Variants in P4HB observed in about 807,000 individuals in gnomAD.
P4HB encodes the protein prolyl 4-hydroxylase subunit beta, also known as protein disulfide-isomerase.
Under a neutral mutation model 52.6 loss-of-function variants are expected in P4HB, and 20 were observed. The ratio of observed to expected loss-of-function variants is 0.38; its 90% CI spans 0.27 to 0.55. The LOEUF is 0.55. P4HB is among the 20% of genes least tolerant of loss of function. The pLI, the probability that P4HB is intolerant of heterozygous loss-of-function variation, is 0.74. For missense variants in P4HB, 601 were observed against 669.2 expected, an observed-to-expected ratio of 0.90 and a Z score of 1.12; for synonymous variants, 296 against 277.9, an observed-to-expected ratio of 1.07 and a Z score of -0.65.
chr17:81,846,376 C>T lies in P4HB; in HGVS notation c.1056+53G>A. ...CAGGACACTGAGAGCCCAGAGACCC[C>T]AAGGTGGCGGCTCTACCCGGGAGGC... On this transcript the variant is annotated intron_variant, in intron 7 of 10. Transcript: ENST00000331483. This position sits in a 1 kb window ranked among gnomAD's most constrained non-coding sequence, Gnocchi z 5.7. The T allele has an allele frequency of 3.9e-6, 6 of 1,539,496 alleles. No homozygotes were observed. Among genetic ancestry groups the T allele is most frequent in the Non-Finnish European group, 5.4e-6 (6 of 1,115,124 alleles).
chr17:81,857,214 T>C (rs1464451324), intron 2 of P4HB, among the ~76,000 whole-genome samples: 1 of 152,098 alleles, frequency 6.6e-6, no homozygotes, highest in African/African-American at 2.4e-5. Flanking sequence ...GGTGGCACGA[T>C]CTCAGCTCAC....
chr17:81,859,554 C>T (rs533307412), intron 1 of P4HB, 167 bp from the exon 2 acceptor site: 250 of 630,668 alleles, frequency 4.0e-4, no homozygotes, highest in Non-Finnish European at 1.6e-4. Context: ...GCCTGGTGTT[C>T]TTGGGCAATA....
At position 81,858,132 on chromosome 17, in the gene P4HB, C is replaced by T. The variant is rs563410138; in HGVS notation, c.352+1049G>A. Among the ~76,000 whole-genome samples, 237 of 151,974 alleles carry T rather than the reference C, an allele frequency of 1.6e-3. 1 individual carries two copies. Among genetic ancestry groups the T allele is most frequent in the African/African-American group, 5.3e-3 (220 of 41,466 alleles). ...ACTAAAAATACAAAAATTAGCCAGG[C>T]GTGGTGGTGCACACCTGTAGCCCCA... On this transcript the variant is annotated intron_variant, in intron 2 of 10. Transcript: ENST00000331483.
Position 81,855,060 on chromosome 17 carries a change from C to T in P4HB, c.624+82G>A. Reference sequence around the variant, plus strand: ...GCCAAAGGTGCCAGGAGCAAGGTTCCCTTAACGATAAGGAGAGCAACGCCA... The same window carrying T: ...GCCAAAGGTGCCAGGAGCAAGGTTCTCTTAACGATAAGGAGAGCAACGCCA... On this transcript the variant is annotated intron_variant, in intron 4 of 10. Transcript: ENST00000331483. The surrounding 1 kb of genome is among the most constrained non-coding windows in gnomAD (Gnocchi z 4.3). The T allele has an allele frequency of 2.9e-6, 4 of 1,397,318 alleles. No homozygotes were observed. In the South Asian group the frequency reaches 3.6e-5, roughly 12 times the overall value. The allele number at this position is 1,397,318 out of a possible 1,614,324, so 86.6% of individuals were successfully genotyped here.
Position 81,859,230 on chromosome 17 carries a change from G to A in P4HB, c.303C>T (p.Thr101=), listed in dbSNP as rs145332986. ...AQQYGVRGYP[T]IKFFRNGDTA... is the part of the protein sequence containing the mutation. ...TGTCTCCATTCCTGAAGAACTTGAT[G>A]GTGGGATAGCCGCGCACGCCGTACT... The change falls in exon 2 of 11, where the codon ACC becomes ACT. Residue 101 remains threonine (T), a synonymous_variant. Transcript: ENST00000331483. 2.1e-3 allele frequency: 3,393 copies of A among 1,614,008 alleles called. 54 individuals are homozygous for A. In the African/African-American group the frequency reaches 0.04, roughly 19 times the overall value.
intron 4 of P4HB, among the ~76,000 whole-genome samples, chr17:81,849,380 C>CA (rs902405343): frequency 5.3e-5 from 8 of 151,996 alleles, no homozygotes; most frequent in African/African-American, 1.9e-4. Flanking sequence ...CCTGTAATCC[C>CA]AACTACTTGG....
chr17:81,850,983 G>A, intron 4 of P4HB, among the ~76,000 whole-genome samples: 1 of 151,390 alleles, frequency 6.6e-6, no homozygotes, highest in South Asian at 2.1e-4. Flanking sequence ...CTACGCTGGA[G>A]TGCAGTGGTG....
chr17:81,846,380 G>A lies in P4HB; in HGVS notation c.1056+49C>T. ...ACACTGAGAGCCCAGAGACCCCAAG[G>A]TGGCGGCTCTACCCGGGAGGCAGCC... On this transcript the variant is annotated intron_variant, in intron 7 of 10. Coordinates refer to ENST00000331483, the MANE Select transcript of P4HB (RefSeq NM_000918.4). The surrounding 1 kb of genome is among the most constrained non-coding windows in gnomAD (Gnocchi z 5.7). 1 of 1,543,674 alleles carries A rather than the reference G, an allele frequency of 6.5e-7. No homozygotes were observed.
At chr17:81,844,211 C>G in intron 10 of P4HB, 119 bp from the exon 11 acceptor site, 1 of 788,784 alleles carries the variant, frequency 1.3e-6, no homozygotes. Context: ...ACATGGCCAC[C>G]GGCCACTGGA....
Position 81,855,316 on chromosome 17 carries a change from C to T in P4HB, c.487-37G>A, listed in dbSNP as rs1421145731. ...GGGAGAAGCAGAGGTCGTCATGATCCCGCAGCACCAAGCAGTAGGGCAGAC... is the reference window on the plus strand; with the variant it reads ...GGGAGAAGCAGAGGTCGTCATGATCTCGCAGCACCAAGCAGTAGGGCAGAC... On this transcript the variant is annotated intron_variant, in intron 3 of 10. Coordinates refer to ENST00000331483, the MANE Select transcript of P4HB (RefSeq NM_000918.4). This position sits in a 1 kb window ranked among gnomAD's most constrained non-coding sequence, Gnocchi z 4.3. The T allele has an allele frequency of 6.2e-7, 1 of 1,613,128 alleles. No homozygotes were observed. The highest frequency in any genetic ancestry group is 1.7e-5 in the Admixed American group (1 of 59,996).
rs1284038734 is a variant in P4HB at position 81,846,041 on chromosome 17, C to G, written c.1057-50G>C. ...AGGGGCGGCGATGCCTGGGGGACCACAGAGCTCCCCAACCCTCACCCTGCC... is the reference window on the plus strand; with the variant it reads ...AGGGGCGGCGATGCCTGGGGGACCAGAGAGCTCCCCAACCCTCACCCTGCC... On this transcript the variant is annotated intron_variant, in intron 7 of 10. Coordinates refer to ENST00000331483, the MANE Select transcript of P4HB (RefSeq NM_000918.4). The surrounding 1 kb of genome is among the most constrained non-coding windows in gnomAD (Gnocchi z 5.7). The G allele has an allele frequency of 6.5e-7, 1 of 1,538,254 alleles. No individual in the cohort carries two copies. The highest frequency in any genetic ancestry group is 1.4e-5 in the African/African-American group (1 of 73,168).
chr17:81,845,511 C>T (rs750320749), intron 9 of P4HB, 50 bp downstream of exon 9: 2 of 1,512,170 alleles, frequency 1.3e-6, no homozygotes, highest in African/African-American at 1.4e-5. Flanking sequence ...GCGTGGGGAC[C>T]ACTGCTCTTC....
At position 81,843,202 on chromosome 17, in the gene P4HB, C is replaced by T. The variant is rs1258025988; in HGVS notation, c.*810G>A. ...CTTTATTTGGCCAATGTGTTCAATTCGATTGTGAAATAGAAATGCCTGAAG... is the reference window on the plus strand; with the variant it reads ...CTTTATTTGGCCAATGTGTTCAATTTGATTGTGAAATAGAAATGCCTGAAG... On this transcript the variant is annotated 3_prime_UTR_variant, in exon 11 of 11. Transcript: ENST00000331483. The T allele has an allele frequency of 1.3e-5, 4 of 303,490 alleles. No homozygotes were observed. Among genetic ancestry groups the T allele is most frequent in the Non-Finnish European group, 1.8e-5 (3 of 166,048 alleles). 18.8% of individuals were successfully genotyped at this position (303,490 alleles called of 1,614,324 possible).
chr17:81,853,545 G>T (rs2038866025), intron 4 of P4HB, among the ~76,000 whole-genome samples: 1 of 151,756 alleles, frequency 6.6e-6, no homozygotes, highest in African/African-American at 2.4e-5. Flanking sequence ...CTGCACTCCA[G>T]CCTGGGCGAC....
chr17:81,859,457 T>G, intron 1 of P4HB, 70 bp from the exon 2 acceptor site: 1 of 1,311,350 alleles, frequency 7.6e-7, no homozygotes, highest in Non-Finnish European at 1.1e-6. Context: ...TCAGCAGTGC[T>G]TCCCTTTTTC....
chr17:81,854,184 G>A lies in P4HB; in HGVS notation c.624+958C>T, dbSNP rs1350974407. Among the ~76,000 whole-genome samples the A allele has an allele frequency of 7.2e-5, 11 of 152,380 alleles. No homozygotes were observed. The South Asian group carries it at 1.4e-3, about 20-fold the overall frequency. On this transcript the variant is annotated intron_variant, in intron 4 of 10. Coordinates refer to ENST00000331483, the MANE Select transcript of P4HB (RefSeq NM_000918.4). ...GCCAATACTCCAGACCTCTGGGTAA[G>A]GAAAACGTTCTGGAAATAGGGATGC...
At chr17:81,854,991 G>C in intron 4 of P4HB, 151 bp downstream of exon 4, 1 of 754,548 alleles carries the variant, frequency 1.3e-6, no homozygotes, top group East Asian at 2.5e-5. Context: ...ACAGGCATCA[G>C]CGCAACACCC....
chr17:81,843,741 C>T lies in P4HB; in HGVS notation c.*271G>A. On this transcript the variant is annotated 3_prime_UTR_variant, in exon 11 of 11. Coordinates refer to ENST00000331483, the MANE Select transcript of P4HB (RefSeq NM_000918.4). ...CGGTAGCAAGCACTCTGGACAGACT[C>T]ATGTATGAAAAAGTACATCATGGTT... The T allele has an allele frequency of 3.4e-6, 2 of 583,376 alleles. No individual in the cohort carries two copies. The highest frequency in any genetic ancestry group is 2.2e-5 in the South Asian group (1 of 46,366). The allele number at this position is 583,376 out of a possible 1,614,324, so 36.1% of individuals were successfully genotyped here. A position where few individuals can be genotyped will look rare whatever the true frequency, so the allele number is the denominator to read the frequency against.
rs2038752072 is a variant in P4HB, at chr17:81,847,305, C to T, written c.667G>A (p.Glu223Lys). The change falls in exon 5 of 11, where the codon GAG becomes AAG. Residue 223 changes from glutamate (E) to lysine (K), a missense_variant. Coordinates refer to ENST00000331483, the MANE Select transcript of P4HB (RefSeq NM_000918.4). ...TGTTTGATAAAGTCCAGCAGGTTCT[C>T]CTTGGTGACCTCCCCTTCAAAGTTG... is the stretch of plus-strand genomic sequence containing the variant. ...RNNFEGEVTK[E>K]NLLDFIKHNQ... The T allele has an allele frequency of 6.2e-7, 1 of 1,614,048 alleles. No individual in the cohort carries two copies. The highest frequency in any genetic ancestry group is 8.5e-7 in the Non-Finnish European group (1 of 1,180,028).
Sources: gnomAD v4.1 joint callset for allele counts (sites outside exome capture counted in the v4.1 genomes callset) on GRCh38, gnomAD v4.1.1 for gene constraint, Gnocchi (gnomAD v3.1) non-coding constraint, MANE v1.5 for transcripts, NCBI Gene and HGNC (gene_info 2026-07-23, HGNC 2026-07-21) for gene names.